Variants in ENO3 observed in about 807,000 individuals in gnomAD.
ENO3 encodes the protein beta-enolase.
Under a neutral mutation model 47.7 loss-of-function variants are expected in ENO3, and 46 were observed. That is an observed-to-expected ratio of 0.96 (90% CI 0.76 to 1.23). ENO3 has a LOEUF of 1.23. ENO3 is among the 50% of genes most tolerant of loss of function. The pLI, the probability that ENO3 is intolerant of heterozygous loss-of-function variation, is 0.00. For synonymous variants in ENO3, 223 were observed against 225.9 expected (o/e 0.99, Z 0.11); for missense variants, 575 against 566.2 (o/e 1.02, Z -0.16).
At chr17:4,954,385 T>C (rs1233842010) in intron 6 of ENO3, among the ~76,000 whole-genome samples, 2 of 152,224 alleles carry the variant, frequency 1.3e-5, no homozygotes, top group Non-Finnish European at 2.9e-5. Flanking sequence ...AACTGCTCTG[T>C]CTCAGTTTCC....
rs375930832 is a variant in ENO3, at chr17:4,957,082, C to T, written c.*35C>T. The T allele has an allele frequency of 2.3e-5, 37 of 1,612,504 alleles. No homozygotes were observed. Among genetic ancestry groups the T allele is most frequent in the African/African-American group, 4.0e-5 (3 of 74,850 alleles). ...GGCTCCAGGACTCCACTGGACAGAC[C>T]CAGGTCTTCCAGACCTGCTTCCTGA... is the stretch of plus-strand genomic sequence containing the variant. On this transcript the variant is annotated 3_prime_UTR_variant, in exon 12 of 12. Transcript: ENST00000519602.
upstream of ENO3, chr17:4,948,884 G>C (rs545918527): frequency 6.5e-6 from 1 of 153,592 alleles, no homozygotes; most frequent in East Asian, 1.9e-4. Flanking sequence ...TGCAAATTTA[G>C]CAAATTAAGG....
In ENO3 at chr17:4,951,861, T is replaced by A. The variant is rs371231613; in HGVS notation, c.32T>A (p.Ile11Asn). 10 of 1,613,964 alleles carry A rather than the reference T, an allele frequency of 6.2e-6. No individual in the cohort carries two copies. The highest frequency in any genetic ancestry group is 8.5e-6 in the Non-Finnish European group (10 of 1,180,004). The change falls in exon 2 of 12, where the codon ATC becomes AAC. Residue 11 changes from isoleucine (I) to asparagine (N), a missense_variant. Ile to Asn is a moderately radical substitution (Grantham distance 149). Transcript: ENST00000519602. MAMQKIFARE[I>N]LDSRGNPTVE... ...ATGCAGAAAATCTTTGCCCGGGAAA[T>A]CTTGGACTCCAGGGGCAACCCCACG...
intron 4 of ENO3, 28 bp from the exon 5 acceptor site, chr17:4,953,244 C>G (rs761178397): frequency 6.8e-6 from 11 of 1,613,976 alleles, no homozygotes; most frequent in Non-Finnish European, 7.6e-6. Context: ...CTGACCTCTG[C>G]TCTCCCTTCT....
intron 2 of ENO3, 55 bp downstream of exon 2, chr17:4,951,969 T>A: frequency 5.7e-6 from 9 of 1,588,124 alleles, no homozygotes; most frequent in Non-Finnish European, 7.8e-6. Flanking sequence ...CCCTTTGGCC[T>A]TTGCCCCCCA....
intron 5 of ENO3, 73 bp from the exon 6 acceptor site, chr17:4,953,639 G>A: frequency 6.2e-7 from 1 of 1,612,354 alleles, no homozygotes; most frequent in Non-Finnish European, 8.5e-7. Flanking sequence ...TTGGAGCTCT[G>A]GCGTCTTCCT....
intron 2 of ENO3, 83 bp from the exon 3 acceptor site, chr17:4,952,712 T>C (rs1295620566): frequency 7.4e-7 from 1 of 1,352,832 alleles, no homozygotes; most frequent in African/African-American, 1.4e-5. Context: ...TCCACCTGCC[T>C]AGGCCTCTCA....
rs763679836 is a variant in ENO3, at chr17:4,953,052, A to C, written c.183A>C (p.Gly61=). The C allele has an allele frequency of 2.5e-6, 4 of 1,614,200 alleles. No individual in the cohort carries two copies. In the Middle Eastern group the frequency reaches 4.9e-4, roughly 200 times the overall value. ...DGDKGRYLGK[G]VLKAVENINN... ...AAACTCATCCTCTGGCCTGTCTAGG[A>C]GTCCTGAAGGCTGTGGAGAACATCA... The change falls in exon 4 of 12, where the codon GGA becomes GGC. Residue 61 remains glycine (G), a splice_region_variant and synonymous_variant. Coordinates refer to ENST00000519602, the MANE Select transcript of ENO3 (RefSeq NM_053013.4).
At chr17:4,952,768 G>C in intron 2 of ENO3, 27 bp from the exon 3 acceptor site, 1 of 1,593,650 alleles carries the variant, frequency 6.3e-7, no homozygotes, top group Non-Finnish European at 8.6e-7. Flanking sequence ...AGCCATCCCT[G>C]TGATCTTCCA....
At position 4,956,818 on chromosome 17, in the gene ENO3, C is replaced by T; in HGVS notation, c.1177-13C>T. The T allele has an allele frequency of 6.2e-7, 1 of 1,614,208 alleles. No individual in the cohort carries two copies. Among genetic ancestry groups the T allele is most frequent in the Non-Finnish European group, 8.5e-7 (1 of 1,180,044 alleles). ...GCCTCACCTAACCCTCCAAATTCTT[C>T]TTCCCTCATCAGATCAAGACTGGCG... On this transcript the variant is annotated splice_polypyrimidine_tract_variant and intron_variant, in intron 10 of 11. Transcript: ENST00000519602.
At chr17:4,951,953 C>G in intron 2 of ENO3, 39 bp downstream of exon 2, 1 of 1,607,932 alleles carries the variant, frequency 6.2e-7, no homozygotes, top group Non-Finnish European at 8.5e-7. Flanking sequence ...CCTCCGAAGA[C>G]CCCAACCCTT....
chr17:4,956,186 G>A (rs756456131), intron 9 of ENO3, 43 bp downstream of exon 9: 10 of 1,606,178 alleles, frequency 6.2e-6, no homozygotes, highest in Middle Eastern at 1.7e-4. Context: ...GCCTGCCTCT[G>A]CCCCAGCTCT....
upstream of ENO3, chr17:4,950,525 C>A: frequency 1.0e-6 from 1 of 980,296 alleles, no homozygotes; most frequent in Non-Finnish European, 1.2e-6. Flanking sequence ...GCCGAAAGGG[C>A]CTGTCTAAAT....
rs761121808 is a variant in ENO3, at chr17:4,956,665, G to A, written c.1160G>A (p.Gly387Glu). The change falls in exon 10 of 12, where the codon GGG (glycine) becomes GAG (glutamate). Residue 387 changes from glycine (G) to glutamate (E), a missense_variant. Coordinates refer to ENST00000519602, the MANE Select transcript of ENO3 (RefSeq NM_053013.4). ...EDTFIADLVV[G>E]LCTGQIKTGA... ...ACATTCATTGCTGACCTTGTGGTGGGGCTCTGCACAGGACAGGTACTTGTA... is the reference window on the plus strand; with the variant it reads ...ACATTCATTGCTGACCTTGTGGTGGAGCTCTGCACAGGACAGGTACTTGTA... The A allele has an allele frequency of 6.8e-6, 11 of 1,614,190 alleles. No individual in the cohort carries two copies. Among genetic ancestry groups the A allele is most frequent in the Non-Finnish European group, 8.5e-6 (10 of 1,180,030 alleles).
Position 4,953,712 on chromosome 17 carries a change from C to T in ENO3, c.311C>T (p.Ser104Phe), listed in dbSNP as rs1383659106. 3.7e-6 allele frequency: 6 copies of T among 1,614,128 alleles called. No homozygotes were observed. In the African/African-American group the frequency reaches 8.0e-5, roughly 22 times the overall value. The change falls in exon 6 of 12, where the codon TCC becomes TTC. Residue 104 changes from serine to phenylalanine, a missense_variant and splice_region_variant. Physicochemically the swap from Ser to Phe is radical, Grantham distance 155 (BLOSUM62 -2). Coordinates refer to ENST00000519602, the MANE Select transcript of ENO3 (RefSeq NM_053013.4). ...MIELDGTENK[S>F]KFGANAILGV... ...TTTCTTCCCGCTTGCCTCCTTCCAG[C>T]CAAGTTTGGGGCCAATGCCATCCTG...
intron 6 of ENO3, 23 bp from the exon 7 acceptor site, chr17:4,955,052 C>T: frequency 1.2e-6 from 2 of 1,607,640 alleles, no homozygotes; most frequent in Non-Finnish European, 1.7e-6. Context: ...GGCCCAGGTC[C>T]AGACACCCTC....
upstream of ENO3, chr17:4,950,554 C>T (rs1971510562): frequency 2.0e-6 from 2 of 985,534 alleles, no homozygotes; most frequent in Non-Finnish European, 2.4e-6. Context: ...TGTCCCCTAA[C>T]TCATCCCGGC....
intron 2 of ENO3, 162 bp downstream of exon 2, chr17:4,952,076 G>C (rs759815553): frequency 2.6e-6 from 2 of 766,400 alleles, no homozygotes; most frequent in Non-Finnish European, 4.5e-6. Flanking sequence ...TGGAAGCTAG[G>C]AGAAGCAGGA....
chr17:4,953,226 T>A, intron 4 of ENO3, 46 bp from the exon 5 acceptor site: 1 of 1,613,472 alleles, frequency 6.2e-7, no homozygotes, highest in Non-Finnish European at 8.5e-7. Context: ...CCCTGACTTC[T>A]GAGAAATCTG....
Sources: allele counts gnomAD v4.1 joint callset (sites outside exome capture counted in the v4.1 genomes callset), GRCh38; gene constraint gnomAD v4.1.1; transcripts MANE v1.5; gene names NCBI Gene and HGNC (gene_info 2026-07-23, HGNC 2026-07-21).